Variants in BUB1B observed in about 807,000 individuals in gnomAD.
The protein encoded by BUB1B is BUB1 mitotic checkpoint serine/threonine kinase B.
Under a neutral mutation model 137.7 loss-of-function variants are expected in BUB1B, and 86 were observed. That is an observed-to-expected ratio of 0.62 (90% CI 0.52 to 0.75). BUB1B has a LOEUF of 0.75. Among genes scored for constraint, BUB1B ranks in the 30% least tolerant of loss-of-function variants. The pLI is 0.00. For missense variants in BUB1B, 1,130 were observed against 1,236.9 expected (o/e 0.91, Z 1.30); for synonymous variants, 420 against 417.9 (o/e 1.00, Z -0.06).
At chr15:40,208,408 G>A (rs2037663976) in intron 15 of BUB1B, among the ~76,000 whole-genome samples, 1 of 151,874 alleles carries the variant, frequency 6.6e-6, no homozygotes, top group Admixed American at 6.6e-5. Flanking sequence ...CATGGTGGCA[G>A]GTGCCTGTAA....
At chr15:40,167,494 C>A (rs2037114188) in intron 2 of BUB1B, among the ~76,000 whole-genome samples, 1 of 151,916 alleles carries the variant, frequency 6.6e-6, no homozygotes, top group Non-Finnish European at 1.5e-5. Context: ...AGGCACGCAC[C>A]ACCACGCCTG....
chr15:40,200,180 A>C (rs1274897362), intron 10 of BUB1B, 64 bp from the exon 11 acceptor site: 7 of 1,104,678 alleles, frequency 6.3e-6, no homozygotes, highest in Non-Finnish European at 9.6e-6. Flanking sequence ...AGCTAATGTT[A>C]GAACTAGAAA....
intron 5 of BUB1B, among the ~76,000 whole-genome samples, chr15:40,179,081 C>T (rs2037254274): frequency 6.6e-6 from 1 of 152,008 alleles, no homozygotes; most frequent in Non-Finnish European, 1.5e-5. Context: ...TTATTCTGGA[C>T]ATTTTAGTTA....
In BUB1B at chr15:40,218,520, T is replaced by C; in HGVS notation, c.2915T>C (p.Phe972Ser). The change falls in exon 22 of 23, where the codon TTC becomes TCC. Residue 972 changes from phenylalanine (F) to serine (S), a missense_variant. Phe to Ser is a radical substitution (Grantham distance 155, BLOSUM62 -2). Transcript: ENST00000287598. ...TTGTTCAAGGAACACCTACAGGTCTTCTGGGATGGGTCCTTCTGGAAACTT... is the reference window on the plus strand; with the variant it reads ...TTGTTCAAGGAACACCTACAGGTCTCCTGGGATGGGTCCTTCTGGAAACTT... ...LLLFKEHLQVFWDGSFWKLSQ... is the reference protein window; with the variant it reads ...LLLFKEHLQVSWDGSFWKLSQ... 2 of 1,614,160 alleles carry C rather than the reference T, an allele frequency of 1.2e-6. No homozygotes were observed. The highest frequency in any genetic ancestry group is 1.7e-6 in the Non-Finnish European group (2 of 1,179,992).
intron 2 of BUB1B, among the ~76,000 whole-genome samples, 196 bp downstream of exon 2, chr15:40,165,392 A>G (rs898723895): frequency 6.6e-5 from 10 of 152,230 alleles, no homozygotes; most frequent in African/African-American, 2.4e-4. Context: ...AACAAGGGCT[A>G]TAGGATTTCA....
intron 1 of BUB1B, among the ~76,000 whole-genome samples, chr15:40,162,798 T>G (rs2037055550): frequency 6.6e-6 from 1 of 152,020 alleles, no homozygotes. Context: ...TTCACTATTT[T>G]TAAGAGCAAG....
chr15:40,181,657 C>CAAA (rs2037295239), intron 5 of BUB1B, among the ~76,000 whole-genome samples: 2 of 152,060 alleles, frequency 1.3e-5, no homozygotes, highest in Admixed American at 1.3e-4. Context: ...AACCATTTTT[C>CAAA]TTTTTGTTTT....
At chr15:40,185,712 C>T (rs1435594200) in intron 8 of BUB1B, 70 bp downstream of exon 8, 10 of 1,415,708 alleles carry the variant, frequency 7.1e-6, no homozygotes, top group Non-Finnish European at 8.0e-6. Context: ...ATTCTACTTC[C>T]CAAAGGCAGT....
intron 5 of BUB1B, among the ~76,000 whole-genome samples, chr15:40,179,579 C>T (rs955584751): frequency 6.6e-6 from 1 of 152,008 alleles, no homozygotes; most frequent in East Asian, 1.9e-4. Context: ...CTAACAATAT[C>T]TTTTTTGTTA....
intron 15 of BUB1B, among the ~76,000 whole-genome samples, chr15:40,206,959 A>T (rs762746865): frequency 3.3e-5 from 5 of 152,040 alleles, no homozygotes; most frequent in Non-Finnish European, 7.4e-5. Context: ...ACAGGTGCGC[A>T]CCATCATGCC....
At chr15:40,187,358 C>T (rs2037380289) in intron 8 of BUB1B, among the ~76,000 whole-genome samples, 1 of 152,048 alleles carries the variant, frequency 6.6e-6, no homozygotes, top group Non-Finnish European at 1.5e-5. Flanking sequence ...GATCTCCTGA[C>T]CTCATGATCC....
chr15:40,177,984 G>T (rs1225780285), intron 5 of BUB1B, among the ~76,000 whole-genome samples: 2 of 149,870 alleles, frequency 1.3e-5, no homozygotes. Flanking sequence ...GTCTGGCTTG[G>T]ATATCAATTT....
In BUB1B at chr15:40,209,770, A is replaced by C; in HGVS notation, c.2279A>C (p.Glu760Ala). Residue 760 changes from glutamate (E) to alanine (A), a missense_variant, in exon 17 of 23, where the codon GAA (glutamate) becomes GCA (alanine). Physicochemically the swap from Glu to Ala is moderately radical, Grantham distance 107 (BLOSUM62 -1). Transcript: ENST00000287598. ...MPKLEIEKEI[E>A]LGNEDYCIKR... is the part of the protein sequence containing the mutation. ...AAGTTGGAAATTGAGAAGGAAATTG[A>C]ATTAGGTAAGTACCATTGAACTCAT... 6.2e-7 allele frequency: 1 copy of C among 1,614,158 alleles called. No individual in the cohort carries two copies. Among genetic ancestry groups the C allele is most frequent in the Non-Finnish European group, 8.5e-7 (1 of 1,180,006 alleles).
At chr15:40,201,096 C>G (rs2037563387) in intron 12 of BUB1B, 116 bp downstream of exon 12, 1 of 953,166 alleles carries the variant, frequency 1.0e-6, no homozygotes, top group Non-Finnish European at 1.6e-6. Context: ...GACTAGGATA[C>G]TAGGAATTTA....
intron 2 of BUB1B, among the ~76,000 whole-genome samples, chr15:40,166,892 C>T (rs148396125): frequency 7.2e-5 from 11 of 151,982 alleles, no homozygotes; most frequent in African/African-American, 2.2e-4. Flanking sequence ...TAATGGTGAA[C>T]GTTTTTTCAC....
chr15:40,210,325 A>C (rs1485936572), intron 18 of BUB1B, 115 bp downstream of exon 18: 3 of 827,128 alleles, frequency 3.6e-6, no homozygotes, highest in African/African-American at 3.4e-5. Context: ...ATGTCCAAAT[A>C]TATTAAGTAT....
Position 40,183,902 on chromosome 15 carries a change from AT to A in BUB1B, c.751+22del, listed in dbSNP as rs1321496465. ...CTCAAGGGTAAGTTTGTTAAACGTT[AT>A]TTCGGAAAACTGTTAGTTTCTAGTG... On this transcript the variant is annotated intron_variant, in intron 6 of 22. Transcript: ENST00000287598. 1 of 1,612,702 alleles carries A rather than the reference AT, an allele frequency of 6.2e-7. No homozygotes were observed. Among genetic ancestry groups the A allele is most frequent in the Non-Finnish European group, 8.5e-7 (1 of 1,179,210 alleles).
rs1450573514 is a variant in BUB1B, at chr15:40,200,262, A to G, written c.1420A>G (p.Thr474Ala). The G allele has an allele frequency of 3.7e-6, 6 of 1,613,300 alleles. No individual in the cohort carries two copies. The highest frequency in any genetic ancestry group is 2.2e-5 in the East Asian group (1 of 44,840). ...CAAACAGCAAGAAGAGACGATGCCT[A>G]CAAAGGAGACAACTAAACTGCAAAT... ...TGDQQEETMP[T>A]KETTKLQIAS... The change falls in exon 11 of 23, where the codon ACA (threonine) becomes GCA (alanine). Residue 474 changes from threonine to alanine, a missense_variant. Thr to Ala is a moderately conservative substitution (Grantham distance 58, BLOSUM62 0). Coordinates refer to ENST00000287598, the MANE Select transcript of BUB1B (RefSeq NM_001211.6).
intron 8 of BUB1B, among the ~76,000 whole-genome samples, chr15:40,194,467 G>A (rs753884431): frequency 9.9e-5 from 15 of 152,140 alleles, no homozygotes; most frequent in South Asian, 2.1e-4. Flanking sequence ...GTTAGTGTGG[G>A]TTTTTCATAG....
Sources: allele counts gnomAD v4.1 joint callset (sites outside exome capture counted in the v4.1 genomes callset), GRCh38; gene constraint gnomAD v4.1.1; transcripts MANE v1.5; gene names NCBI Gene and HGNC (gene_info 2026-07-23, HGNC 2026-07-21).